The following EYA1 variants were observed in gnomAD, a reference collection of about 807,000 sequenced individuals.
EYA1 encodes EYA transcriptional coactivator and phosphatase 1.
EYA1 carries 16 observed loss-of-function variants against 82.0 expected under a neutral mutation model. That is an observed-to-expected ratio of 0.20 (90% CI 0.13 to 0.30). The LOEUF (loss-of-function observed/expected upper bound fraction) is 0.30, where lower values mean the gene tolerates loss of function less well. Among genes scored for constraint, EYA1 ranks in the 10% least tolerant of loss-of-function variants. The pLI is 1.00. For synonymous variants in EYA1, 261 were observed against 264.4 expected (o/e 0.99, Z 0.12); for missense variants, 633 against 730.7 (o/e 0.87, Z 1.54).
chr8:71,265,895 G>A (rs1815735485), intron 11 of EYA1, among the ~76,000 whole-genome samples: 1 of 152,116 alleles, frequency 6.6e-6, no homozygotes, highest in South Asian at 2.1e-4. Flanking sequence ...GGCTGACTGT[G>A]CCCAGCACCC....
At chr8:71,300,888 T>A (rs908506055) in intron 7 of EYA1, among the ~76,000 whole-genome samples, 1 of 152,158 alleles carries the variant, frequency 6.6e-6, no homozygotes, top group Non-Finnish European at 1.5e-5. Context: ...TTTTAAAGCA[T>A]GACAAATTTT....
intron 2 of EYA1, among the ~76,000 whole-genome samples, chr8:71,398,215 T>G (rs1490681065): frequency 6.6e-6 from 1 of 152,216 alleles, no homozygotes; most frequent in Non-Finnish European, 1.5e-5. Flanking sequence ...GGTTTTTAGC[T>G]TCTTTGCAAT....
rs190118713 is a variant in EYA1 at position 71,468,789 on chromosome 8, C to T, written c.33+66955G>A. Among the ~76,000 whole-genome samples the T allele has an allele frequency of 6.4e-3, 969 of 152,178 alleles. 7 individuals are homozygous for T. Among genetic ancestry groups the T allele is most frequent in the African/African-American group, 0.022 (918 of 41,536 alleles). ...CCCCAGCCTTTGAGATAACGTGCTC[C>T]TCTGAGCTCCTACAGCATTGAGTCC... On this transcript the variant is annotated intron_variant, in intron 2 of 18. Transcript: ENST00000643681.
chr8:71,466,324 T>A (rs1461020931), intron 2 of EYA1, among the ~76,000 whole-genome samples: 11 of 152,060 alleles, frequency 7.2e-5, no homozygotes, highest in Non-Finnish European at 1.6e-4. Context: ...TCAGTAGAAC[T>A]CTGTTCTTCT....
intron 11 of EYA1, among the ~76,000 whole-genome samples, chr8:71,262,228 CAA>C (rs1815212334): frequency 6.6e-6 from 1 of 152,050 alleles, no homozygotes; most frequent in South Asian, 2.1e-4. Flanking sequence ...AAAAGTTGAA[CAA>C]AGATGCAGTC....
At chr8:71,519,091 T>A (rs908898062) in intron 2 of EYA1, among the ~76,000 whole-genome samples, 2 of 152,152 alleles carry the variant, frequency 1.3e-5, no homozygotes, top group African/African-American at 2.4e-5. Flanking sequence ...CACAAAGTAC[T>A]TTTTCCCCTA....
chr8:71,254,291 A>G (rs1449254642), intron 11 of EYA1, among the ~76,000 whole-genome samples: 1 of 151,362 alleles, frequency 6.6e-6, no homozygotes, highest in East Asian at 1.9e-4. Context: ...GAATCTAACT[A>G]AGCAAGCTCC....
chr8:71,229,089 G>T (rs1487987264), intron 12 of EYA1, among the ~76,000 whole-genome samples: 1 of 152,074 alleles, frequency 6.6e-6, no homozygotes, highest in African/African-American at 2.4e-5. Context: ...ATGCAATTGA[G>T]CATTCAAGGG....
chr8:71,250,283 C>T (rs1255877005), intron 11 of EYA1, among the ~76,000 whole-genome samples: 1 of 152,234 alleles, frequency 6.6e-6, no homozygotes, highest in Non-Finnish European at 1.5e-5. Flanking sequence ...CAAAACACAA[C>T]TAGGCAGAGG....
chr8:71,215,474 GAGT>G lies in EYA1; in HGVS notation c.1507_1509del (p.Thr503del). 1.2e-6 allele frequency: 2 copies of G among 1,613,442 alleles called. No individual in the cohort carries two copies. ...ACTTTCGCCAATGCTGGGATGAGCT[GAGT>G]AGTTGTTACTAAAATATTCACACAG... On this transcript the variant is annotated inframe_deletion, in exon 16 of 18. Coordinates refer to ENST00000340726, the MANE Select transcript of EYA1 (RefSeq NM_000503.6).
intron 16 of EYA1, 22 bp downstream of exon 16, chr8:71,215,362 TAAA>T (rs1247901627): frequency 1.9e-6 from 3 of 1,608,874 alleles, no homozygotes; most frequent in Non-Finnish European, 2.5e-6. Context: ...AGCTGATTGT[TAAA>T]AAGAAAAGAA....
intron 2 of EYA1, among the ~76,000 whole-genome samples, chr8:71,375,894 G>T (rs1828345567): frequency 2.0e-5 from 3 of 152,234 alleles, no homozygotes; most frequent in South Asian, 4.1e-4. Context: ...CTCCCATCGT[G>T]CTGGGATTAC....
intron 1 of EYA1, among the ~76,000 whole-genome samples, chr8:71,541,667 A>G (rs913667380): frequency 1.3e-5 from 2 of 152,254 alleles, no homozygotes; most frequent in African/African-American, 4.8e-5. Flanking sequence ...GGGATTTGAG[A>G]AAGTGGTATG....
chr8:71,492,773 T>C (rs773404453), intron 2 of EYA1, among the ~76,000 whole-genome samples: 3 of 148,728 alleles, frequency 2.0e-5, no homozygotes, highest in Non-Finnish European at 4.4e-5. Flanking sequence ...CCTTTTCTTT[T>C]AACTTTTAAG....
At chr8:71,480,180 T>C (rs781384802) in intron 2 of EYA1, among the ~76,000 whole-genome samples, 1 of 152,232 alleles carries the variant, frequency 6.6e-6, no homozygotes, top group Non-Finnish European at 1.5e-5. Flanking sequence ...TATTTGTAAT[T>C]CTTGTCTAAT....
chr8:71,227,973 T>C (rs1288451027), intron 12 of EYA1, among the ~76,000 whole-genome samples: 2 of 152,330 alleles, frequency 1.3e-5, no homozygotes, highest in South Asian at 2.1e-4. Context: ...TAAAAGAACA[T>C]ACAGCTCAGA....
rs1262836631 is a variant in EYA1 at position 71,361,791 on chromosome 8, G to A, written c.-199C>T. The A allele has an allele frequency of 3.0e-6, 3 of 985,350 alleles. No homozygotes were observed. Among genetic ancestry groups the A allele is most frequent in the Non-Finnish European group, 3.6e-6 (3 of 829,956 alleles). The allele number at this position is 985,350 out of a possible 1,614,324, so 61.0% of individuals were successfully genotyped here. A position where few individuals can be genotyped will look rare whatever the true frequency, so the allele number is the denominator to read the frequency against. On this transcript the variant is annotated 5_prime_UTR_variant, in exon 1 of 18. Coordinates refer to ENST00000340726, the MANE Select transcript of EYA1 (RefSeq NM_000503.6). The stretch of plus-strand genomic sequence containing the variant: ...GCTCTGGTGCAGCCGCGGCGCTTCT[G>A]GGAGTGGAGCGCCTCTGCAGGGGAA...
At chr8:71,300,908 C>T (rs1322978251) in intron 7 of EYA1, among the ~76,000 whole-genome samples, 2 of 152,036 alleles carry the variant, frequency 1.3e-5, no homozygotes, top group Non-Finnish European at 2.9e-5. Flanking sequence ...TCAAAAAGCA[C>T]AAAATTCTAA....
chr8:71,292,279 C>G (rs1819090243), intron 9 of EYA1, among the ~76,000 whole-genome samples: 1 of 151,890 alleles, frequency 6.6e-6, no homozygotes, highest in African/African-American at 2.4e-5. Context: ...GATATTAGCA[C>G]AAAAGGAAAA....
Sources: allele counts gnomAD v4.1 joint callset (sites outside exome capture counted in the v4.1 genomes callset), GRCh38; gene constraint gnomAD v4.1.1; transcripts MANE v1.5; gene names NCBI Gene and HGNC (gene_info 2026-07-23, HGNC 2026-07-21).